KCNQ1: variants seen among roughly 807,000 people sequenced by gnomAD.
KCNQ1 encodes the protein potassium voltage-gated channel subfamily KQT member 1.
A neutral mutation model predicts 72.4 loss-of-function variants in KCNQ1; 49 were observed. The observed-to-expected ratio is 0.68, with a 90% CI of 0.54 to 0.86. KCNQ1 has a LOEUF of 0.86. Among genes scored for constraint, KCNQ1 ranks in the 40% least tolerant of loss-of-function variants. KCNQ1 has a pLI of 0.00. For missense variants in KCNQ1, 790 were observed against 945.1 expected (o/e 0.84, Z 2.15); for synonymous variants, 450 against 412.6 (o/e 1.09, Z -1.10).
Position 2,623,918 on chromosome 11 carries a change from A to G in KCNQ1, c.1393+35064A>G, listed in dbSNP as rs1849217900. On this transcript the variant is annotated intron_variant, in intron 10 of 15. Transcript: ENST00000155840. This position sits in a 1 kb window ranked among gnomAD's most constrained non-coding sequence, Gnocchi z 5.2. ...AGTGGAATTGATGGATCCTATGATA[A>G]TTCCATTTTTAATTCTTTGAAGAAC... 5.0e-6 allele frequency: 2 copies of G among 398,602 alleles called. No homozygotes were observed. The highest frequency in any genetic ancestry group is 7.1e-5 in the East Asian group (2 of 28,074). The allele number at this position is 398,602 out of a possible 1,614,324, so 24.7% of individuals were successfully genotyped here. A position where few individuals can be genotyped will look rare whatever the true frequency, so the allele number is the denominator to read the frequency against.
chr11:2,740,209 G>C (rs868565257), intron 11 of KCNQ1, among the ~76,000 whole-genome samples: 3 of 152,154 alleles, frequency 2.0e-5, no homozygotes, highest in Non-Finnish European at 4.4e-5. Flanking sequence ...TCCAGGAATG[G>C]CAGGAGGGAG....
intron 10 of KCNQ1, chr11:2,615,467 C>T (rs1003928246): frequency 1.8e-5 from 7 of 398,028 alleles, no homozygotes; most frequent in Non-Finnish European, 3.1e-5. Context: ...AAGCATACAG[C>T]CATATCTTAC....
At chr11:2,692,100 C>T in intron 11 of KCNQ1, 1 of 398,816 alleles carries the variant, frequency 2.5e-6, no homozygotes, top group Non-Finnish European at 4.4e-6. Flanking sequence ...ACCTCCTCTC[C>T]ACAGCCTCCA....
intron 15 of KCNQ1, among the ~76,000 whole-genome samples, chr11:2,790,185 G>A (rs930600983): frequency 1.3e-5 from 2 of 152,142 alleles, no homozygotes; most frequent in East Asian, 1.9e-4. Context: ...TGATGGGACC[G>A]TGGAGAGTGC....
chr11:2,737,938 C>T (rs921586389), intron 11 of KCNQ1, among the ~76,000 whole-genome samples: 1 of 151,992 alleles, frequency 6.6e-6, no homozygotes, highest in Non-Finnish European at 1.5e-5. Context: ...CCTGGGGGCA[C>T]AGAATGACAC....
chr11:2,768,886 C>T lies in KCNQ1; in HGVS notation c.1557C>T (p.Arg519=). ...HHRATIKVIR[R]MQYFVAKKKF... Reference sequence around the variant, plus strand: ...GGGCCACCATTAAGGTCATTCGACGCATGCAGTACTTTGTGGCCAAGAAGA... The same window carrying T: ...GGGCCACCATTAAGGTCATTCGACGTATGCAGTACTTTGTGGCCAAGAAGA... The change falls in exon 12 of 16, where the codon CGC becomes CGT. Residue 519 remains arginine, a synonymous_variant. Transcript: ENST00000155840. The surrounding 1 kb of genome is among the most constrained non-coding windows in gnomAD (Gnocchi z 6.7). 4 of 1,614,074 alleles carry T rather than the reference C, an allele frequency of 2.5e-6. No homozygotes were observed. Among genetic ancestry groups the T allele is most frequent in the Non-Finnish European group, 3.4e-6 (4 of 1,179,994 alleles).
intron 15 of KCNQ1, among the ~76,000 whole-genome samples, chr11:2,843,821 C>T (rs968323166): frequency 2.0e-5 from 3 of 152,230 alleles, no homozygotes; most frequent in African/African-American, 7.2e-5. Flanking sequence ...CTTCCGAGGG[C>T]TGCATAGGTC....
chr11:2,564,585 A>G lies in KCNQ1; in HGVS notation c.478-6043A>G, dbSNP rs1481244439. On this transcript the variant is annotated intron_variant, in intron 2 of 15. Transcript: ENST00000155840. The surrounding 1 kb of genome is among the most constrained non-coding windows in gnomAD (Gnocchi z 4.5). The stretch of plus-strand genomic sequence containing the variant: ...ACTCCTGCCTGGGCAACAGAGCAAG[A>G]CTCTATCTCAAAATAAAATAAAATG... Among the ~76,000 whole-genome samples, 1 of 152,098 alleles carries G rather than the reference A, an allele frequency of 6.6e-6. No homozygotes were observed. The highest frequency in any genetic ancestry group is 1.5e-5 in the Non-Finnish European group (1 of 68,024).
chr11:2,611,815 G>T lies in KCNQ1; in HGVS notation c.1393+22961G>T. 2 of 398,176 alleles carry T rather than the reference G, an allele frequency of 5.0e-6. No individual in the cohort carries two copies. The highest frequency in any genetic ancestry group is 6.3e-4 in the Middle Eastern group (1 of 1,586). The allele number at this position is 398,176 out of a possible 1,614,324, so 24.7% of individuals were successfully genotyped here. ...CTTCCTCCTTTACTGCCTTCTGCAG[G>T]TTGAATAGATATGTTCTAGAGTACC... On this transcript the variant is annotated intron_variant, in intron 10 of 15. Coordinates refer to ENST00000155840, the MANE Select transcript of KCNQ1 (RefSeq NM_000218.3). This position sits in a 1 kb window ranked among gnomAD's most constrained non-coding sequence, Gnocchi z 5.3.
In KCNQ1 at chr11:2,649,013, A is replaced by AT. The variant is rs1253503252; in HGVS notation, c.1394-12942dup. On this transcript the variant is annotated intron_variant, in intron 10 of 15. Coordinates refer to ENST00000155840, the MANE Select transcript of KCNQ1 (RefSeq NM_000218.3). ...TTTTTTTTTTTTTTTTTGACTCAGT[A>AT]TTTTTTGTCTGTCTACTCCTGCATG... 1.3e-5 allele frequency: 3 copies of AT among 237,528 alleles called. No individual in the cohort carries two copies. The Admixed American group carries it at 3.1e-4, about 25-fold the overall frequency. 14.7% of individuals were successfully genotyped at this position (237,528 alleles called of 1,614,324 possible). A position where few individuals can be genotyped will look rare whatever the true frequency, so the allele number is the denominator to read the frequency against.
chr11:2,568,315 A>T (rs190733563), intron 2 of KCNQ1, among the ~76,000 whole-genome samples: 5 of 151,688 alleles, frequency 3.3e-5, no homozygotes, highest in Admixed American at 1.3e-4. Context: ...AGTGCATCAA[A>T]ACAAGAAAAA....
chr11:2,582,364 G>T (rs998552547), intron 6 of KCNQ1, among the ~76,000 whole-genome samples: 23 of 152,238 alleles, frequency 1.5e-4, no homozygotes, highest in Non-Finnish European at 3.4e-4. Context: ...GTGGGCCGGG[G>T]TTTGTTCTTG....
At chr11:2,696,185 G>A (rs1317406065) in intron 11 of KCNQ1, 5 of 398,388 alleles carry the variant, frequency 1.3e-5, no homozygotes, top group Non-Finnish European at 2.2e-5. Flanking sequence ...AGAACCCCAC[G>A]GCCACCCTGG....
rs1315165854 is a variant in KCNQ1 at position 2,767,373 on chromosome 11, T to A, written c.1515-1471T>A. Among the ~76,000 whole-genome samples the A allele has an allele frequency of 6.6e-6, 1 of 152,280 alleles. No individual in the cohort carries two copies. The highest frequency in any genetic ancestry group is 2.1e-4 in the South Asian group (1 of 4,830). ...ACCGTGTACATTCCCCAGTACTCTT[T>A]CATCAGTGAAGTCACAAGGTGACCC... On this transcript the variant is annotated intron_variant, in intron 11 of 15. Coordinates refer to ENST00000155840, the MANE Select transcript of KCNQ1 (RefSeq NM_000218.3). This position sits in a 1 kb window ranked among gnomAD's most constrained non-coding sequence, Gnocchi z 4.6.
Position 2,516,183 on chromosome 11 carries a change from C to T in KCNQ1, c.387-11745C>T, listed in dbSNP as rs1355943776. Among the ~76,000 whole-genome samples the T allele has an allele frequency of 2.0e-5, 3 of 152,020 alleles. No homozygotes were observed. Among genetic ancestry groups the T allele is most frequent in the African/African-American group, 7.2e-5 (3 of 41,396 alleles). ...TGATGCTGTCAGGGAGACCCGGAGTCCAGTTCTCGCCAACCGCTCGATGCT... is the reference window on the plus strand; with the variant it reads ...TGATGCTGTCAGGGAGACCCGGAGTTCAGTTCTCGCCAACCGCTCGATGCT... On this transcript the variant is annotated intron_variant, in intron 1 of 15. Transcript: ENST00000155840. The surrounding 1 kb of genome is among the most constrained non-coding windows in gnomAD (Gnocchi z 7.0).
At position 2,612,843 on chromosome 11, in the gene KCNQ1, G is replaced by A. The variant is rs955902206; in HGVS notation, c.1393+23989G>A. ...AAAAACTTACTTTAGATAATATATC[G>A]TAGAAACTCTGGATTCTAGTTCTTC... On this transcript the variant is annotated intron_variant, in intron 10 of 15. Transcript: ENST00000155840. The surrounding 1 kb of genome is among the most constrained non-coding windows in gnomAD (Gnocchi z 5.5). 14 of 398,032 alleles carry A rather than the reference G, an allele frequency of 3.5e-5. No individual in the cohort carries two copies. Among genetic ancestry groups the A allele is most frequent in the South Asian group, 1.3e-4 (1 of 7,838 alleles). The allele number at this position is 398,032 out of a possible 1,614,324, so 24.7% of individuals were successfully genotyped here. A position where few individuals can be genotyped will look rare whatever the true frequency, so the allele number is the denominator to read the frequency against.
chr11:2,799,375 A>AGTGTGTGTGTGTATGTGT (rs3085903), intron 15 of KCNQ1, among the ~76,000 whole-genome samples: 12 of 147,400 alleles, frequency 8.1e-5, no homozygotes, highest in African/African-American at 2.7e-4. Flanking sequence ...TGTAAGTTCG[A>AGTGTGTGTGTGTATGTGT]GTGTGTGTGT....
rs1404028061 is a variant in KCNQ1, at chr11:2,673,739, G to C, written c.1514+11658G>C. ...GGCTTGGAAGGCCCAGACTGGACAG[G>C]GGAAGGGGTACAGTCCCTTCTTGCT... is the stretch of plus-strand genomic sequence containing the variant. On this transcript the variant is annotated intron_variant, in intron 11 of 15. Coordinates refer to ENST00000155840, the MANE Select transcript of KCNQ1 (RefSeq NM_000218.3). This position sits in a 1 kb window ranked among gnomAD's most constrained non-coding sequence, Gnocchi z 4.5. 2.5e-6 allele frequency: 1 copy of C among 398,582 alleles called. No individual in the cohort carries two copies. 24.7% of individuals were successfully genotyped at this position (398,582 alleles called of 1,614,324 possible).
Position 2,700,971 on chromosome 11 carries a change from G to T in KCNQ1, c.1514+38890G>T, listed in dbSNP as rs989639440. On this transcript the variant is annotated intron_variant, in intron 11 of 15. Coordinates refer to ENST00000155840, the MANE Select transcript of KCNQ1 (RefSeq NM_000218.3). ...CCCTGGCAAGGCTGGGGGCCGTTTG[G>T]CCCTTCCATGTGGACTGCAAAAACA... Among the ~76,000 whole-genome samples the T allele has an allele frequency of 2.0e-5, 3 of 152,230 alleles. No homozygotes were observed. The South Asian group carries it at 6.2e-4, about 32-fold the overall frequency.
Sources: gnomAD v4.1 joint callset for allele counts (sites outside exome capture counted in the v4.1 genomes callset) on GRCh38, gnomAD v4.1.1 for gene constraint, Gnocchi (gnomAD v3.1) non-coding constraint, MANE v1.5 for transcripts, NCBI Gene and HGNC (gene_info 2026-07-23, HGNC 2026-07-21) for gene names.